ADGRL2: variants seen among roughly 807,000 people sequenced by gnomAD.
ADGRL2 encodes calcium-independent alpha-latrotoxin receptor 2.
ADGRL2 carries 44 observed loss-of-function variants against 157.4 expected under a neutral mutation model. The ratio of observed to expected loss-of-function variants is 0.28; its 90% CI spans 0.22 to 0.36. The LOEUF (loss-of-function observed/expected upper bound fraction) is 0.36. Ranked by LOEUF, ADGRL2 falls within the 10% of genes least tolerant of loss-of-function variation. The probability of loss-of-function intolerance (pLI) is 1.00; values close to 1 mark genes in which losing one functional copy is unlikely to be tolerated. For missense variants in ADGRL2, 1,510 were observed against 1,768.9 expected (o/e 0.85, Z 2.63); for synonymous variants, 585 against 624.7 (o/e 0.94, Z 0.95).
At chr1:81,694,015 TG>T (rs1376023452) in intron 3 of ADGRL2, among the ~76,000 whole-genome samples, 1 of 152,224 alleles carries the variant, frequency 6.6e-6, no homozygotes, top group African/African-American at 2.4e-5. Flanking sequence ...CAATTAATTC[TG>T]CCCAATGAAA....
At chr1:81,402,420 T>A (rs1167641934) in intron 1 of ADGRL2, among the ~76,000 whole-genome samples, 2 of 152,148 alleles carry the variant, frequency 1.3e-5, no homozygotes, top group Non-Finnish European at 2.9e-5. Flanking sequence ...TGGGTGATGA[T>A]TCTTTGATGC....
chr1:81,534,158 A>G (rs1371726420), intron 2 of ADGRL2, among the ~76,000 whole-genome samples: 1 of 151,846 alleles, frequency 6.6e-6, no homozygotes, highest in Non-Finnish European at 1.5e-5. Flanking sequence ...TATTTTATTT[A>G]CTATTTATTT....
chr1:81,848,240 A>C (rs1345175480), intron 2 of ADGRL2, among the ~76,000 whole-genome samples: 4 of 151,886 alleles, frequency 2.6e-5, no homozygotes, highest in Non-Finnish European at 5.9e-5. Flanking sequence ...ACCACTCAAA[A>C]GTAAGTTAGT....
At chr1:81,609,558 T>A (rs2081499731) in intron 3 of ADGRL2, among the ~76,000 whole-genome samples, 1 of 152,166 alleles carries the variant, frequency 6.6e-6, no homozygotes, top group Admixed American at 6.5e-5. Context: ...TAAAACATAC[T>A]AGCTCACAAG....
At chr1:81,326,752 T>C (rs1283754835) in intron 1 of ADGRL2, among the ~76,000 whole-genome samples, 1 of 152,208 alleles carries the variant, frequency 6.6e-6, no homozygotes, top group African/African-American at 2.4e-5. Flanking sequence ...AGTTATATCT[T>C]CAGTTCCTCA....
chr1:81,980,197 A>G (rs1032970948), intron 18 of ADGRL2, among the ~76,000 whole-genome samples: 1 of 151,748 alleles, frequency 6.6e-6, no homozygotes, highest in Non-Finnish European at 1.5e-5. Flanking sequence ...TGGAAATTCC[A>G]TATCACTGTA....
intron 1 of ADGRL2, among the ~76,000 whole-genome samples, chr1:81,366,277 A>G (rs1419681790): frequency 6.9e-6 from 1 of 145,204 alleles, no homozygotes; most frequent in African/African-American, 2.5e-5. Context: ...CCACCAAGAT[A>G]TGACACATTT....
chr1:81,309,776 C>A (rs1659611086), intron 1 of ADGRL2, among the ~76,000 whole-genome samples: 1 of 152,074 alleles, frequency 6.6e-6, no homozygotes, highest in African/African-American at 2.4e-5. Context: ...CTACTGACAG[C>A]CTTTGAAGAG....
At chr1:81,598,506 T>C (rs17106780) in intron 3 of ADGRL2, among the ~76,000 whole-genome samples, 2,031 of 152,326 alleles carry the variant, frequency 0.013, 36 homozygotes, top group African/African-American at 0.046. Flanking sequence ...GAAATATCAA[T>C]ATATGGACCT....
intron 3 of ADGRL2, among the ~76,000 whole-genome samples, chr1:81,621,382 T>G (rs2148711397): frequency 6.6e-6 from 1 of 152,158 alleles, no homozygotes; most frequent in East Asian, 1.9e-4. Flanking sequence ...ACAGAAAAAG[T>G]TTTAGGTTGT....
chr1:81,426,105 C>G (rs960971247), intron 1 of ADGRL2, among the ~76,000 whole-genome samples: 7 of 152,150 alleles, frequency 4.6e-5, no homozygotes, highest in Non-Finnish European at 8.8e-5. Context: ...CCAAGGAAAA[C>G]AGCGTATTTT....
chr1:81,306,217 C>T (rs1177774212), exon 1 of ADGRL2: 1 of 152,170 alleles, frequency 6.6e-6, no homozygotes, highest in Admixed American at 6.5e-5. Context: ...ACTCTTCCAT[C>T]TTTTTGCCAT....
intron 1 of ADGRL2, among the ~76,000 whole-genome samples, chr1:81,829,994 A>G (rs186394294): frequency 9.9e-4 from 151 of 152,274 alleles, no homozygotes; most frequent in Non-Finnish European, 1.6e-3. Context: ...GGAAACACAG[A>G]TCCAGAAACT....
At position 81,990,719 on chromosome 1, in the gene ADGRL2, C is replaced by G. The variant is rs1267294296; in HGVS notation, c.3984C>G (p.Leu1328=). 1.9e-6 allele frequency: 3 copies of G among 1,613,986 alleles called. No homozygotes were observed. In the Admixed American group the frequency reaches 5.0e-5, roughly 27 times the overall value. Reference sequence around the variant, plus strand: ...ACAGCGACAACCCAGGGCTGGAGCTCCATCACAAAGAACTCGAGGCACCAC... The same window carrying G: ...ACAGCGACAACCCAGGGCTGGAGCTGCATCACAAAGAACTCGAGGCACCAC... The part of the protein sequence containing the change: ...LMHSDNPGLE[L]HHKELEAPLI... The change falls in exon 24 of 24, where the codon CTC becomes CTG. Residue 1328 remains leucine (L), a synonymous_variant. Transcript: ENST00000686636.
At chr1:81,816,213 GA>G (rs983711170) in intron 1 of ADGRL2, among the ~76,000 whole-genome samples, 5 of 151,790 alleles carry the variant, frequency 3.3e-5, no homozygotes, top group African/African-American at 9.6e-5. Context: ...GAAAATAAAC[GA>G]AAATATAGCT....
chr1:81,990,209 T>C (rs1231976260), intron 23 of ADGRL2, 182 bp from the exon 24 acceptor site: 2 of 985,248 alleles, frequency 2.0e-6, no homozygotes, highest in Non-Finnish European at 2.4e-6. Context: ...CACTTTTTCC[T>C]GTTATCTAAG....
chr1:81,335,370 T>C (rs1358237760), intron 1 of ADGRL2, among the ~76,000 whole-genome samples: 1 of 152,154 alleles, frequency 6.6e-6, no homozygotes. Flanking sequence ...GTATCTTAAA[T>C]CAATAATTTC....
intron 3 of ADGRL2, among the ~76,000 whole-genome samples, chr1:81,591,516 A>G (rs929047183): frequency 1.3e-5 from 2 of 152,184 alleles, no homozygotes; most frequent in Non-Finnish European, 2.9e-5. Flanking sequence ...ATGCCAAATA[A>G]TAGAACTGAG....
At chr1:81,395,019 C>T (rs2076630280) in intron 1 of ADGRL2, among the ~76,000 whole-genome samples, 1 of 152,040 alleles carries the variant, frequency 6.6e-6, no homozygotes, top group Non-Finnish European at 1.5e-5. Flanking sequence ...ATGCTTTAGC[C>T]TCCCGAGTAG....
Sources: allele counts gnomAD v4.1 joint callset (sites outside exome capture counted in the v4.1 genomes callset), GRCh38; gene constraint gnomAD v4.1.1; transcripts MANE v1.5; gene names NCBI Gene and HGNC (gene_info 2026-07-23, HGNC 2026-07-21).